Variants in CNTLN observed in about 807,000 individuals in gnomAD.
CNTLN encodes the protein centlein, centrosomal protein.
In CNTLN, 212 loss-of-function variants were observed where a neutral mutation model predicts 180.0. The ratio of observed to expected loss-of-function variants is 1.18; its 90% CI spans 1.05 to 1.32. CNTLN has a LOEUF of 1.32. CNTLN is among the 40% of genes most tolerant of loss of function. The pLI is 0.00. For synonymous variants in CNTLN, 722 were observed against 563.1 expected, an observed-to-expected ratio of 1.28 and a Z score of -3.99; for missense variants, 2,095 against 1,610.9, an observed-to-expected ratio of 1.30 and a Z score of -5.14.
At chr9:17,487,692 C>A (rs1832960729) in intron 25 of CNTLN, among the ~76,000 whole-genome samples, 1 of 152,136 alleles carries the variant, frequency 6.6e-6, no homozygotes, top group Non-Finnish European at 1.5e-5. Flanking sequence ...TAGAGGATGA[C>A]AAGGCCAAGA....
At chr9:17,183,062 A>G (rs2131741023) in intron 2 of CNTLN, among the ~76,000 whole-genome samples, 1 of 152,290 alleles carries the variant, frequency 6.6e-6, no homozygotes, top group Non-Finnish European at 1.5e-5. Context: ...TGTATTTACT[A>G]ATGATTCTAG....
At chr9:17,344,781 T>C (rs969338824) in intron 12 of CNTLN, among the ~76,000 whole-genome samples, 1 of 152,198 alleles carries the variant, frequency 6.6e-6, no homozygotes, top group Non-Finnish European at 1.5e-5. Context: ...ATGTTTAATG[T>C]GCAATTTTAT....
chr9:17,442,405 TTC>T (rs1311713922), intron 18 of CNTLN, among the ~76,000 whole-genome samples: 1 of 152,110 alleles, frequency 6.6e-6, no homozygotes, highest in Non-Finnish European at 1.5e-5. Flanking sequence ...AAACAAAACT[TTC>T]TCTGTTTTTG....
At chr9:17,390,091 G>T (rs1185132983) in intron 14 of CNTLN, among the ~76,000 whole-genome samples, 1 of 152,110 alleles carries the variant, frequency 6.6e-6, no homozygotes, top group Non-Finnish European at 1.5e-5. Flanking sequence ...TGGACTTCTA[G>T]ACTCCAGGAA....
intron 2 of CNTLN, among the ~76,000 whole-genome samples, chr9:17,212,098 A>G (rs1260567117): frequency 2.0e-5 from 3 of 152,166 alleles, no homozygotes; most frequent in Non-Finnish European, 4.4e-5. Context: ...TATGTTGAAT[A>G]GGAGTGGTGA....
Position 17,332,652 on chromosome 9 carries a change from C to A in CNTLN, c.1566C>A (p.Phe522Leu), listed in dbSNP as rs532572835. 1.2e-6 allele frequency: 2 copies of A among 1,608,346 alleles called. No homozygotes were observed. Residue 522 changes from phenylalanine to leucine, a missense_variant, in exon 10 of 26, where the codon TTC (phenylalanine) becomes TTA (leucine). Physicochemically the swap from Phe to Leu is conservative, Grantham distance 22. Transcript: ENST00000380647. ...GGTCTTTGTCCCCAAAGAGCTCTTT[C>A]ACAGACTCAGAAGAGCTACAGAAGC... ...RSRSLSPKSS[F>L]TDSEELQKLR...
intron 15 of CNTLN, among the ~76,000 whole-genome samples, chr9:17,400,704 G>A (rs1235960612): frequency 6.6e-6 from 1 of 152,062 alleles, no homozygotes; most frequent in Non-Finnish European, 1.5e-5. Flanking sequence ...TTATTAAAAG[G>A]AATCATTTTT....
chr9:17,263,477 A>G (rs574177800), intron 5 of CNTLN, among the ~76,000 whole-genome samples: 5 of 151,386 alleles, frequency 3.3e-5, no homozygotes, highest in South Asian at 4.2e-4. Flanking sequence ...AGTCTTTGCT[A>G]TTGTGAATAG....
chr9:17,367,431 A>G (rs1823925703), intron 13 of CNTLN, among the ~76,000 whole-genome samples: 1 of 151,928 alleles, frequency 6.6e-6, no homozygotes, highest in Non-Finnish European at 1.5e-5. Context: ...AATGACTTCA[A>G]CTCCTAGGCA....
chr9:17,414,622 A>C (rs1461650326), intron 16 of CNTLN, among the ~76,000 whole-genome samples: 1 of 152,214 alleles, frequency 6.6e-6, no homozygotes, highest in East Asian at 1.9e-4. Context: ...TATATTTCTG[A>C]AACTAATCAT....
chr9:17,159,502 A>G (rs1377587035), intron 2 of CNTLN, among the ~76,000 whole-genome samples: 1 of 152,280 alleles, frequency 6.6e-6, no homozygotes, highest in East Asian at 1.9e-4. Flanking sequence ...GGGTCTCAAT[A>G]TGCTGCACCC....
chr9:17,390,420 G>A (rs1048057912), intron 14 of CNTLN, among the ~76,000 whole-genome samples: 3 of 151,476 alleles, frequency 2.0e-5, no homozygotes, highest in East Asian at 1.9e-4. Context: ...TGTGTTTTTC[G>A]TAGAGATGAG....
chr9:17,473,199 T>A (rs896355383), intron 23 of CNTLN, among the ~76,000 whole-genome samples: 11 of 152,182 alleles, frequency 7.2e-5, no homozygotes, highest in Admixed American at 7.2e-4. Context: ...TATGTGATAA[T>A]CCTAATTATA....
intron 18 of CNTLN, among the ~76,000 whole-genome samples, chr9:17,423,499 C>T (rs917008767): frequency 6.6e-6 from 1 of 152,056 alleles, no homozygotes; most frequent in African/African-American, 2.4e-5. Flanking sequence ...CTGAGCTTCC[C>T]TGCCTGGAGT....
chr9:17,202,875 A>G (rs375674518), intron 2 of CNTLN, among the ~76,000 whole-genome samples: 1 of 152,086 alleles, frequency 6.6e-6, no homozygotes, highest in Non-Finnish European at 1.5e-5. Flanking sequence ...TGATCCTGTC[A>G]TCATGATGCT....
At position 17,388,770 on chromosome 9, in the gene CNTLN, A is replaced by G. The variant is rs1189409792; in HGVS notation, c.2079+517A>G. On this transcript the variant is annotated intron_variant, in intron 14 of 25. Transcript: ENST00000380647. The stretch of plus-strand genomic sequence containing the variant: ...ATTTAGTACAGCATTTTATGTTTTA[A>G]TAAGATCATCCATGTAAACCTTAGT... 2.6e-5 allele frequency among the ~76,000 whole-genome samples: 4 copies of G among 151,854 alleles called. No individual in the cohort carries two copies. In the East Asian group the frequency reaches 7.7e-4, roughly 29 times the overall value.
intron 25 of CNTLN, among the ~76,000 whole-genome samples, chr9:17,500,341 T>A (rs1833676084): frequency 6.6e-6 from 1 of 152,214 alleles, no homozygotes; most frequent in African/African-American, 2.4e-5. Flanking sequence ...TTAAAGGTAA[T>A]GTCCATGTTG....
chr9:17,394,621 G>T lies in CNTLN; in HGVS notation c.2167G>T (p.Asp723Tyr). 6.2e-7 allele frequency: 1 copy of T among 1,602,368 alleles called. No homozygotes were observed. Among genetic ancestry groups the T allele is most frequent in the South Asian group, 1.1e-5 (1 of 87,292 alleles). ...GAATAAAAAATTAATGAAAGAAAAT[G>T]ATTTTCTGAAATCCCTCTTAAAACA... ...EGNKKLMKEN[D>Y]FLKSLLKQQQ... Residue 723 changes from aspartate (D) to tyrosine (Y), a missense_variant, in exon 15 of 26, where the codon GAT becomes TAT. By Grantham distance (160) the Asp-to-Tyr change is radical. Transcript: ENST00000380647.
chr9:17,521,859 TA>T, the CNTLN span, among the ~76,000 whole-genome samples: 8 of 152,256 alleles, frequency 5.3e-5, no homozygotes, highest in Non-Finnish European at 7.3e-5. Context: ...AGAGTTGCTC[TA>T]AAAAATTGCA....
Sources: gnomAD v4.1 joint callset for allele counts (sites outside exome capture counted in the v4.1 genomes callset) on GRCh38, gnomAD v4.1.1 for gene constraint, MANE v1.5 for transcripts, NCBI Gene and HGNC (gene_info 2026-07-23, HGNC 2026-07-21) for gene names.